Variants in TNR observed in about 807,000 individuals in gnomAD.
TNR encodes tenascin-R.
Under a neutral mutation model 150.4 loss-of-function variants are expected in TNR, and 45 were observed. The ratio of observed to expected loss-of-function variants is 0.30; its 90% CI spans 0.24 to 0.38. The LOEUF is 0.38. Ranked by LOEUF, TNR falls within the 10% of genes least tolerant of loss-of-function variation. The pLI is 1.00. For synonymous variants in TNR, 687 were observed against 678.4 expected (o/e 1.01, Z -0.20); for missense variants, 1,544 against 1,759.1 (o/e 0.88, Z 2.19).
At chr1:175,405,646 T>C (rs1041104950) in intron 3 of TNR, among the ~76,000 whole-genome samples, 37 of 139,008 alleles carry the variant, frequency 2.7e-4, no homozygotes, top group African/African-American at 8.8e-4. Context: ...TGTGTGTGTG[T>C]GTGCATACGC....
intron 1 of TNR, among the ~76,000 whole-genome samples, chr1:175,729,445 T>G (rs555240505): frequency 2.4e-4 from 37 of 151,136 alleles, no homozygotes; most frequent in African/African-American, 8.7e-4. Context: ...CTGTCCCCCT[T>G]TCAAGACAGG....
rs186790037 is a variant in TNR at position 175,469,292 on chromosome 1, A to G, written c.-64+58977T>C. 5.3e-5 allele frequency among the ~76,000 whole-genome samples: 8 copies of G among 152,294 alleles called. No individual in the cohort carries two copies. In the East Asian group the frequency reaches 1.5e-3, roughly 29 times the overall value. ...TTCAGTGTCCTGCTAGGAGGCAGAC[A>G]TTCAAATGGGAAATTATAACACAGG... On this transcript the variant is annotated intron_variant, in intron 2 of 22. Transcript: ENST00000367674.
chr1:175,372,390 A>G (rs965535780), intron 9 of TNR, among the ~76,000 whole-genome samples: 2 of 148,106 alleles, frequency 1.4e-5, no homozygotes, highest in African/African-American at 5.3e-5. Flanking sequence ...GAAGATCAGC[A>G]TGGGCTGTAA....
intron 1 of TNR, among the ~76,000 whole-genome samples, chr1:175,663,275 G>A (rs558991589): frequency 3.9e-5 from 6 of 152,248 alleles, no homozygotes; most frequent in South Asian, 2.1e-4. Context: ...CAAGTGAGAC[G>A]CTGGTGCCAG....
intron 2 of TNR, among the ~76,000 whole-genome samples, chr1:175,417,295 A>AG (rs900320251): frequency 1.3e-5 from 2 of 151,226 alleles, no homozygotes; most frequent in Non-Finnish European, 2.9e-5. Flanking sequence ...GTCCAGATGG[A>AG]GGGGGATGGT....
intron 1 of TNR, among the ~76,000 whole-genome samples, chr1:175,540,633 CT>C (rs902351671): frequency 2.0e-5 from 3 of 152,102 alleles, no homozygotes; most frequent in African/African-American, 7.2e-5. Context: ...AGACACTTGA[CT>C]TTGGCACTTT....
chr1:175,642,973 C>A (rs957853139), intron 1 of TNR, among the ~76,000 whole-genome samples: 1 of 152,058 alleles, frequency 6.6e-6, no homozygotes, highest in African/African-American at 2.4e-5. Context: ...TATGTAAAAG[C>A]AAGTATTGAG....
chr1:175,452,902 A>G (rs528119328), intron 2 of TNR, among the ~76,000 whole-genome samples: 6 of 152,308 alleles, frequency 3.9e-5, no homozygotes, highest in African/African-American at 1.4e-4. Context: ...GACACATGCT[A>G]CAACATGGAT....
Position 175,540,809 on chromosome 1 carries a change from C to T in TNR, c.-164-12440G>A, listed in dbSNP as rs935167495. Among the ~76,000 whole-genome samples the T allele has an allele frequency of 8.5e-5, 13 of 152,160 alleles. No homozygotes were observed. In the South Asian group the frequency reaches 1.0e-3, roughly 12 times the overall value. On this transcript the variant is annotated intron_variant, in intron 1 of 22. Coordinates refer to ENST00000367674, the MANE Select transcript of TNR (RefSeq NM_003285.3). ...GGGTTTCCTACTTCCACTCTCAGCC[C>T]GCTTCTAATCCATTCTCCATGCTAC...
chr1:175,506,428 G>A (rs1658961414), intron 2 of TNR, among the ~76,000 whole-genome samples: 1 of 152,154 alleles, frequency 6.6e-6, no homozygotes, highest in Non-Finnish European at 1.5e-5. Flanking sequence ...CTAACCCCCA[G>A]TACTTGAGAA....
intron 18 of TNR, among the ~76,000 whole-genome samples, chr1:175,346,579 A>T (rs1275757052): frequency 2.0e-5 from 3 of 152,158 alleles, no homozygotes; most frequent in African/African-American, 7.2e-5. Flanking sequence ...AAATAAAATG[A>T]AAAAGGGAAA....
At chr1:175,549,587 A>G (rs1377614971) in intron 1 of TNR, among the ~76,000 whole-genome samples, 1 of 152,214 alleles carries the variant, frequency 6.6e-6, no homozygotes, top group Non-Finnish European at 1.5e-5. Flanking sequence ...GAAAGATTAT[A>G]GAGGTGGGCC....
intron 1 of TNR, among the ~76,000 whole-genome samples, chr1:175,591,767 G>T (rs1415886854): frequency 3.9e-5 from 6 of 152,204 alleles, no homozygotes; most frequent in Non-Finnish European, 5.9e-5. Context: ...CTGGGTTCAT[G>T]GTAGAATTAT....
At chr1:175,673,127 C>T (rs1665752933) in intron 1 of TNR, among the ~76,000 whole-genome samples, 1 of 152,188 alleles carries the variant, frequency 6.6e-6, no homozygotes, top group South Asian at 2.1e-4. Context: ...TACTAAGAAA[C>T]TAGTTCCTCT....
intron 1 of TNR, among the ~76,000 whole-genome samples, chr1:175,631,927 T>G (rs1357991602): frequency 6.6e-6 from 1 of 152,234 alleles, no homozygotes; most frequent in East Asian, 1.9e-4. Context: ...TTTAAAATCA[T>G]GTTTAAGTAT....
intron 2 of TNR, among the ~76,000 whole-genome samples, chr1:175,510,381 A>G (rs77174194): frequency 2.0e-5 from 3 of 149,244 alleles, no homozygotes; most frequent in African/African-American, 7.4e-5. Flanking sequence ...AAAAAAAAAA[A>G]GACACCACAA....
At chr1:175,450,717 A>C (rs551394893) in intron 2 of TNR, among the ~76,000 whole-genome samples, 1 of 152,320 alleles carries the variant, frequency 6.6e-6, no homozygotes, top group South Asian at 2.1e-4. Context: ...CCTTCATAGA[A>C]ATATGGACCT....
intron 2 of TNR, among the ~76,000 whole-genome samples, chr1:175,454,232 A>G (rs147564559): frequency 2.6e-5 from 4 of 152,248 alleles, no homozygotes; most frequent in African/African-American, 9.6e-5. Flanking sequence ...TGAAATTCCC[A>G]TTGTTAGAAT....
chr1:175,383,733 G>C (rs1451490297), intron 8 of TNR, among the ~76,000 whole-genome samples: 3 of 152,224 alleles, frequency 2.0e-5, no homozygotes, highest in Non-Finnish European at 1.5e-5. Flanking sequence ...TGAAATGACT[G>C]AGGGCCTCAT....
Sources: allele counts gnomAD v4.1 joint callset (sites outside exome capture counted in the v4.1 genomes callset), GRCh38; gene constraint gnomAD v4.1.1; transcripts MANE v1.5; gene names NCBI Gene and HGNC (gene_info 2026-07-23, HGNC 2026-07-21).